Variants in ZBTB20 observed in about 807,000 individuals in gnomAD.
The protein encoded by ZBTB20 is zinc finger and BTB domain-containing protein 20.
Under a neutral mutation model 56.9 loss-of-function variants are expected in ZBTB20, and 9 were observed. That is an observed-to-expected ratio of 0.16 (90% CI 0.10 to 0.28). The LOEUF (loss-of-function observed/expected upper bound fraction) is 0.28, where lower values mean the gene tolerates loss of function less well. Ranked by LOEUF, ZBTB20 falls within the 10% of genes least tolerant of loss-of-function variation. The pLI, the probability that ZBTB20 is intolerant of heterozygous loss-of-function variation, is 1.00. For missense variants in ZBTB20, 655 were observed against 1,003.0 expected, an observed-to-expected ratio of 0.65 and a Z score of 4.69; for synonymous variants, 417 against 420.7, an observed-to-expected ratio of 0.99 and a Z score of 0.11.
Position 114,639,090 on chromosome 3 carries a change from G to C in ZBTB20, c.-295+54438C>G, listed in dbSNP as rs539074792. On this transcript the variant is annotated intron_variant, in intron 6 of 11. Coordinates refer to ENST00000675478, the MANE Select transcript of ZBTB20 (RefSeq NM_001348800.3). ...TTCTAAAATCTTTCACCTGAGGTTT[G>C]AACCCATGACTTAGGAAACTATTAT... Among the ~76,000 whole-genome samples, 7 of 152,168 alleles carry C rather than the reference G, an allele frequency of 4.6e-5. No homozygotes were observed. The South Asian group carries it at 1.4e-3, about 31-fold the overall frequency.
At chr3:114,390,677 C>G (rs1322519540) in intron 7 of ZBTB20, among the ~76,000 whole-genome samples, 1 of 152,206 alleles carries the variant, frequency 6.6e-6, no homozygotes, top group East Asian at 1.9e-4. Context: ...TTAGTTCTAG[C>G]TTTTCTACAG....
intron 6 of ZBTB20, among the ~76,000 whole-genome samples, chr3:114,570,845 A>C (rs1299714855): frequency 6.6e-6 from 1 of 152,192 alleles, no homozygotes; most frequent in African/African-American, 2.4e-5. Context: ...CTCTCAATCA[A>C]AGTGAAAGAA....
intron 7 of ZBTB20, among the ~76,000 whole-genome samples, chr3:114,490,501 G>A (rs187071902): frequency 9.2e-5 from 14 of 152,200 alleles, no homozygotes; most frequent in Middle Eastern, 3.4e-3. Flanking sequence ...GATTACAGGC[G>A]TGAGATCCCG....
At chr3:115,031,930 C>A (rs1560509220) in intron 2 of ZBTB20, among the ~76,000 whole-genome samples, 1 of 151,390 alleles carries the variant, frequency 6.6e-6, no homozygotes, top group Non-Finnish European at 1.5e-5. Context: ...GCATGCTATT[C>A]AACCCTGAGT....
intron 6 of ZBTB20, among the ~76,000 whole-genome samples, chr3:114,515,628 C>T (rs577120768): frequency 6.6e-6 from 1 of 152,286 alleles, no homozygotes; most frequent in South Asian, 2.1e-4. Context: ...AGCTAGTAAC[C>T]TTGCCTCCTT....
intron 2 of ZBTB20, among the ~76,000 whole-genome samples, chr3:115,002,355 A>G (rs1447689984): frequency 1.3e-5 from 2 of 151,592 alleles, no homozygotes; most frequent in Non-Finnish European, 3.0e-5. Context: ...CAGATTTATG[A>G]AAGAAATAAT....
intron 3 of ZBTB20, among the ~76,000 whole-genome samples, chr3:114,973,328 G>T (rs1257131436): frequency 1.3e-5 from 2 of 152,064 alleles, no homozygotes; most frequent in Non-Finnish European, 2.9e-5. Flanking sequence ...ATCCTTAAAA[G>T]GTTAAAATTA....
intron 4 of ZBTB20, among the ~76,000 whole-genome samples, chr3:114,809,373 T>G (rs1436104139): frequency 1.3e-5 from 2 of 152,108 alleles, no homozygotes; most frequent in African/African-American, 4.8e-5. Flanking sequence ...ATTGTTCTTT[T>G]CTCTTCAAAT....
intron 10 of ZBTB20, among the ~76,000 whole-genome samples, chr3:114,355,646 A>C (rs1187298024): frequency 1.3e-5 from 2 of 152,168 alleles, no homozygotes. Context: ...CTTTTCATCC[A>C]ATGGGCATTA....
chr3:114,563,222 C>T (rs1461960322), intron 6 of ZBTB20, among the ~76,000 whole-genome samples: 3 of 152,144 alleles, frequency 2.0e-5, no homozygotes, highest in East Asian at 3.8e-4. Flanking sequence ...ACAAAACTTT[C>T]CCATGACTTT....
At chr3:114,837,022 A>G (rs1393637392) in intron 4 of ZBTB20, among the ~76,000 whole-genome samples, 1 of 152,124 alleles carries the variant, frequency 6.6e-6, no homozygotes, top group African/African-American at 2.4e-5. Flanking sequence ...TTCTGTCTCT[A>G]AAACAAGCCA....
At chr3:114,537,799 T>C (rs1261031463) in intron 6 of ZBTB20, among the ~76,000 whole-genome samples, 2 of 152,126 alleles carry the variant, frequency 1.3e-5, no homozygotes, top group East Asian at 1.9e-4. Flanking sequence ...TGGAATACTA[T>C]GCAGCCATTA....
chr3:114,405,978 T>C (rs527488746), intron 7 of ZBTB20, among the ~76,000 whole-genome samples: 1 of 152,106 alleles, frequency 6.6e-6, no homozygotes, highest in South Asian at 2.1e-4. Context: ...CTCATCTGTG[T>C]TCCAAGCAAA....
chr3:114,569,595 G>A (rs1029784425), intron 6 of ZBTB20, among the ~76,000 whole-genome samples: 3 of 152,154 alleles, frequency 2.0e-5, no homozygotes, highest in African/African-American at 7.2e-5. Context: ...TAAAGATGGC[G>A]GTCATTCCAC....
chr3:114,347,317 A>G (rs934949216), intron 11 of ZBTB20, among the ~76,000 whole-genome samples: 3 of 152,090 alleles, frequency 2.0e-5, no homozygotes, highest in African/African-American at 7.2e-5. Flanking sequence ...TTTGCATAGC[A>G]GCTGTAATGG....
intron 2 of ZBTB20, among the ~76,000 whole-genome samples, chr3:114,999,793 A>C (rs1039142151): frequency 6.6e-6 from 1 of 151,720 alleles, no homozygotes; most frequent in Admixed American, 6.6e-5. Flanking sequence ...AACTGCCTCT[A>C]TAATATACAA....
At chr3:114,955,979 T>C (rs887282315) in intron 3 of ZBTB20, among the ~76,000 whole-genome samples, 4 of 152,164 alleles carry the variant, frequency 2.6e-5, no homozygotes, top group African/African-American at 9.7e-5. Flanking sequence ...CAAATAGTGA[T>C]GGTTTTAATT....
chr3:114,695,361 C>A (rs2062942423), intron 5 of ZBTB20, among the ~76,000 whole-genome samples: 1 of 151,492 alleles, frequency 6.6e-6, no homozygotes, highest in Non-Finnish European at 1.5e-5. Context: ...TAATGTGTTC[C>A]CAAGGCCTTG....
intron 3 of ZBTB20, among the ~76,000 whole-genome samples, chr3:114,970,461 C>T (rs1311348035): frequency 1.3e-5 from 2 of 152,186 alleles, no homozygotes; most frequent in Non-Finnish European, 2.9e-5. Context: ...ATCACCTATA[C>T]ATCTTGGACA....
Sources: allele counts gnomAD v4.1 joint callset (sites outside exome capture counted in the v4.1 genomes callset), GRCh38; gene constraint gnomAD v4.1.1; transcripts MANE v1.5; gene names NCBI Gene and HGNC (gene_info 2026-07-23, HGNC 2026-07-21).